ELMO1: variants seen among roughly 807,000 people sequenced by gnomAD.
ELMO1 encodes the protein engulfment and cell motility 1, also known as engulfment and cell motility protein 1.
ELMO1 carries 26 observed loss-of-function variants against 98.9 expected under a neutral mutation model. That is an observed-to-expected ratio of 0.26 (90% CI 0.19 to 0.36). The LOEUF (loss-of-function observed/expected upper bound fraction) is 0.36. Among genes scored for constraint, ELMO1 ranks in the 10% least tolerant of loss-of-function variants. The pLI, the probability that ELMO1 is intolerant of heterozygous loss-of-function variation, is 1.00. For synonymous variants in ELMO1, 346 were observed against 346.0 expected (o/e 1.00, Z 0.00); for missense variants, 627 against 935.2 (o/e 0.67, Z 4.30).
intron 1 of ELMO1, among the ~76,000 whole-genome samples, chr7:37,440,026 A>G (rs1226143524): frequency 6.6e-6 from 1 of 152,066 alleles, no homozygotes; most frequent in East Asian, 1.9e-4. Context: ...ACATATATGT[A>G]CAAAGCACTT....
At chr7:37,289,810 C>A (rs1200551808) in intron 4 of ELMO1, among the ~76,000 whole-genome samples, 3 of 151,830 alleles carry the variant, frequency 2.0e-5, no homozygotes, top group African/African-American at 7.3e-5. Flanking sequence ...AAATCTGAGG[C>A]TTTTCTGGAG....
intron 7 of ELMO1, among the ~76,000 whole-genome samples, chr7:37,240,347 C>G (rs373440739): frequency 6.6e-6 from 1 of 152,084 alleles, no homozygotes; most frequent in East Asian, 1.9e-4. Context: ...TTGCAATATT[C>G]TTTTATTTTA....
intron 13 of ELMO1, among the ~76,000 whole-genome samples, chr7:37,159,028 T>C (rs955716802): frequency 9.9e-5 from 15 of 152,092 alleles, no homozygotes; most frequent in Non-Finnish European, 2.2e-4. Flanking sequence ...CTGGAAACCA[T>C]CATTCTCAGC....
chr7:37,380,926 C>T (rs913132682), intron 1 of ELMO1, among the ~76,000 whole-genome samples: 3 of 152,192 alleles, frequency 2.0e-5, no homozygotes, highest in African/African-American at 4.8e-5. Context: ...CAGTACCACT[C>T]TTAGGGCCAT....
chr7:37,132,945 T>TA (rs1279790410), intron 14 of ELMO1, 185 bp downstream of exon 14: 5 of 407,616 alleles, frequency 1.2e-5, no homozygotes, highest in Non-Finnish European at 2.1e-5. Flanking sequence ...AATTAAAAGT[T>TA]AAAATCCTCA....
chr7:37,340,569 G>A (rs1001642405), intron 2 of ELMO1, among the ~76,000 whole-genome samples: 1 of 152,024 alleles, frequency 6.6e-6, no homozygotes, highest in Admixed American at 6.5e-5. Context: ...AAATAAAGTT[G>A]GTAGTTATGT....
intron 1 of ELMO1, among the ~76,000 whole-genome samples, chr7:37,405,116 A>T (rs775769239): frequency 6.6e-6 from 1 of 152,224 alleles, no homozygotes; most frequent in Non-Finnish European, 1.5e-5. Flanking sequence ...CGTGTGAGAA[A>T]GCATAACTTT....
chr7:37,227,131 C>T (rs1276848187), intron 8 of ELMO1, among the ~76,000 whole-genome samples: 1 of 152,212 alleles, frequency 6.6e-6, no homozygotes, highest in African/African-American at 2.4e-5. Context: ...ATATTTCCAG[C>T]TGCCTATTTT....
At chr7:37,167,239 T>C (rs973901991) in intron 13 of ELMO1, among the ~76,000 whole-genome samples, 142 of 152,090 alleles carry the variant, frequency 9.3e-4, no homozygotes, top group African/African-American at 3.2e-3. Context: ...TGTCTCTGCA[T>C]GTGAGATGGG....
At chr7:36,862,515 T>C (rs3823504) in intron 20 of ELMO1, among the ~76,000 whole-genome samples, 7,459 of 152,348 alleles carry the variant, frequency 0.049, 392 homozygotes, top group East Asian at 0.25. Flanking sequence ...GTGCCATGTC[T>C]AATATGTACA....
At chr7:36,861,237 G>C (rs981138800) in intron 21 of ELMO1, among the ~76,000 whole-genome samples, 1 of 152,164 alleles carries the variant, frequency 6.6e-6, no homozygotes, top group African/African-American at 2.4e-5. Context: ...AGCAGAGACA[G>C]CCCTAAACCT....
At position 37,399,396 on chromosome 7, in the gene ELMO1, T is replaced by C. The variant is rs569147808; in HGVS notation, c.-74+49279A>G. ...GCTGAAGGGACCACCAATTTTGCATTCTACCAGGGCCAGGGCATAAACCCA... is the reference window on the plus strand; with the variant it reads ...GCTGAAGGGACCACCAATTTTGCATCCTACCAGGGCCAGGGCATAAACCCA... On this transcript the variant is annotated intron_variant, in intron 1 of 21. Coordinates refer to ENST00000310758, the MANE Select transcript of ELMO1 (RefSeq NM_014800.11). Among the ~76,000 whole-genome samples, 28 of 152,284 alleles carry C rather than the reference T, an allele frequency of 1.8e-4. No homozygotes were observed. The South Asian group carries it at 5.8e-3, about 32-fold the overall frequency.
chr7:37,359,896 C>T (rs1273233946), intron 1 of ELMO1, among the ~76,000 whole-genome samples: 1 of 152,142 alleles, frequency 6.6e-6, no homozygotes, highest in Non-Finnish European at 1.5e-5. Flanking sequence ...TTGCTTCTGA[C>T]TTTGAGTCTG....
chr7:36,873,607 A>G (rs993915672), intron 19 of ELMO1, among the ~76,000 whole-genome samples: 3 of 152,228 alleles, frequency 2.0e-5, no homozygotes, highest in Non-Finnish European at 2.9e-5. Flanking sequence ...CAGCTAGGTT[A>G]GTAGGTGAAA....
At chr7:37,094,857 G>A (rs910996151) in intron 15 of ELMO1, among the ~76,000 whole-genome samples, 1 of 152,148 alleles carries the variant, frequency 6.6e-6, no homozygotes, top group Non-Finnish European at 1.5e-5. Context: ...ATTCACTCAG[G>A]GACACAAGGC....
intron 1 of ELMO1, among the ~76,000 whole-genome samples, chr7:37,393,570 C>A (rs1445793783): frequency 6.6e-6 from 1 of 152,156 alleles, no homozygotes; most frequent in African/African-American, 2.4e-5. Context: ...CTGCCCTTGA[C>A]CCTTTTGAAG....
intron 16 of ELMO1, among the ~76,000 whole-genome samples, chr7:36,933,735 A>T (rs1328822780): frequency 1.3e-5 from 2 of 152,162 alleles, no homozygotes; most frequent in Admixed American, 6.5e-5. Context: ...GGAGAGGAGA[A>T]TGCAGAGGCA....
intron 7 of ELMO1, among the ~76,000 whole-genome samples, chr7:37,241,497 T>C (rs996898842): frequency 2.0e-5 from 3 of 152,188 alleles, no homozygotes; most frequent in African/African-American, 7.2e-5. Flanking sequence ...TTAGTCTATT[T>C]ACATTTAATG....
At chr7:36,990,132 T>A (rs977147201) in intron 16 of ELMO1, among the ~76,000 whole-genome samples, 1 of 152,132 alleles carries the variant, frequency 6.6e-6, no homozygotes, top group African/African-American at 2.4e-5. Flanking sequence ...TCCAAAGAAT[T>A]TTTGCATGGG....
Sources: gnomAD v4.1 joint callset for allele counts (sites outside exome capture counted in the v4.1 genomes callset) on GRCh38, gnomAD v4.1.1 for gene constraint, MANE v1.5 for transcripts, NCBI Gene and HGNC (gene_info 2026-07-23, HGNC 2026-07-21) for gene names.